LRRIQ1: variants seen among roughly 807,000 people sequenced by gnomAD.
LRRIQ1 encodes leucine rich repeats and IQ motif containing 1, also known as leucine-rich repeat- and IQ domain-containing protein 1.
Under a neutral mutation model 211.9 loss-of-function variants are expected in LRRIQ1, and 210 were observed. That is an observed-to-expected ratio of 0.99 (90% confidence interval 0.89 to 1.11). The LOEUF is 1.11. LRRIQ1 is among the 50% of genes most tolerant of loss of function. The pLI is 0.00. For synonymous variants in LRRIQ1, 699 were observed against 650.1 expected (o/e 1.08, Z -1.14); for missense variants, 2,136 against 1,939.5 (o/e 1.10, Z -1.90).
At chr12:85,258,418 CA>C (rs1472551101) in intron 1 of LRRIQ1, among the ~76,000 whole-genome samples, 1 of 151,716 alleles carries the variant, frequency 6.6e-6, no homozygotes, top group South Asian at 2.1e-4. Flanking sequence ...AGGTAAAAAG[CA>C]ATCTCAAAAA....
In LRRIQ1 at chr12:85,108,977, TA is replaced by T. The variant is rs547968103; in HGVS notation, c.3377+2372del. Among the ~76,000 whole-genome samples, 722 of 148,912 alleles carry T rather than the reference TA, an allele frequency of 4.8e-3. 7 individuals carry two copies. The highest frequency in any genetic ancestry group is 4.8e-3 in the Non-Finnish European group (320 of 66,962). ...ATACATTTATGAACAAAACACAAAC[TA>T]AAAAAAAAATAGCTATAACACCTGA... On this transcript the variant is annotated intron_variant, in intron 15 of 26. Transcript: ENST00000393217.
chr12:85,227,287 T>A (rs145747634), intron 24 of LRRIQ1, among the ~76,000 whole-genome samples: 2,568 of 152,210 alleles, frequency 0.017, 48 homozygotes, highest in African/African-American at 0.047. Context: ...TTCTTTTTTT[T>A]TATATACTGT....
chr12:85,051,554 T>A (rs1385363949), intron 6 of LRRIQ1, among the ~76,000 whole-genome samples: 1 of 152,194 alleles, frequency 6.6e-6, no homozygotes, highest in Non-Finnish European at 1.5e-5. Flanking sequence ...TCAAATACAG[T>A]CTTTTGCATA....
intron 24 of LRRIQ1, among the ~76,000 whole-genome samples, chr12:85,204,543 C>T (rs1893449737): frequency 6.6e-6 from 1 of 152,168 alleles, no homozygotes; most frequent in African/African-American, 2.4e-5. Context: ...GTGGAGCTGC[C>T]CACGACCATG....
intron 24 of LRRIQ1, among the ~76,000 whole-genome samples, chr12:85,176,607 G>A (rs1217442795): frequency 9.0e-6 from 1 of 111,210 alleles, no homozygotes; most frequent in African/African-American, 3.4e-5. Flanking sequence ...TGGGGGGAGG[G>A]GGGAGGGATA....
chr12:85,241,278 GT>G (rs1895446394), intron 26 of LRRIQ1, among the ~76,000 whole-genome samples: 1 of 151,898 alleles, frequency 6.6e-6, no homozygotes, highest in South Asian at 2.1e-4. Context: ...TTTACGGCAT[GT>G]ACATTATGTC....
chr12:85,141,293 C>A (rs949900456), intron 19 of LRRIQ1, among the ~76,000 whole-genome samples: 13 of 150,560 alleles, frequency 8.6e-5, no homozygotes, highest in African/African-American at 2.4e-4. Flanking sequence ...TTTCTTTAAT[C>A]TTCTGTATCC....
At chr12:85,111,781 TAGG>T (rs2136352676) in intron 15 of LRRIQ1, among the ~76,000 whole-genome samples, 1 of 152,130 alleles carries the variant, frequency 6.6e-6, no homozygotes, top group African/African-American at 2.4e-5. Flanking sequence ...GATAAGAGAT[TAGG>T]AAACAAGTGA....
intron 24 of LRRIQ1, among the ~76,000 whole-genome samples, chr12:85,198,024 T>C (rs1323351637): frequency 2.6e-5 from 2 of 75,716 alleles, no homozygotes; most frequent in South Asian, 5.5e-4. Context: ...ATTATATTAT[T>C]ATATATAACA....
chr12:85,223,053 T>C, intron 24 of LRRIQ1, among the ~76,000 whole-genome samples: 1 of 152,098 alleles, frequency 6.6e-6, no homozygotes, highest in South Asian at 2.1e-4. Flanking sequence ...CTGAGTTACT[T>C]CGGAATCCAG....
downstream of LRRIQ1, among the ~76,000 whole-genome samples, chr12:85,247,077 A>G (rs887081851): frequency 1.3e-5 from 2 of 151,582 alleles, no homozygotes; most frequent in African/African-American, 4.8e-5. Flanking sequence ...TAGTTATATA[A>G]GAAGCATCTT....
chr12:85,040,832 G>A (rs779050675), intron 3 of LRRIQ1, among the ~76,000 whole-genome samples: 4 of 150,242 alleles, frequency 2.7e-5, no homozygotes, highest in East Asian at 1.9e-4. Context: ...TTTTGTTTCC[G>A]CAGTCCTAAT....
chr12:85,114,279 C>T (rs1003822017), intron 15 of LRRIQ1, among the ~76,000 whole-genome samples: 3 of 151,810 alleles, frequency 2.0e-5, no homozygotes, highest in African/African-American at 7.3e-5. Context: ...ACGGGCCAAG[C>T]CTAGATGACA....
chr12:85,269,290 A>T (rs552334672), downstream of LRRIQ1, among the ~76,000 whole-genome samples: 1 of 152,112 alleles, frequency 6.6e-6, no homozygotes, highest in South Asian at 2.1e-4. Flanking sequence ...ATGGTTTTCA[A>T]AATAGGAAGG....
chr12:85,063,499 G>A (rs1450014608), intron 8 of LRRIQ1, among the ~76,000 whole-genome samples: 3 of 151,282 alleles, frequency 2.0e-5, no homozygotes, highest in South Asian at 2.1e-4. Flanking sequence ...AGTAGATGGG[G>A]TATCCATTAT....
intron 2 of LRRIQ1, among the ~76,000 whole-genome samples, chr12:85,038,686 C>G (rs1174089474): frequency 6.6e-6 from 1 of 151,400 alleles, no homozygotes; most frequent in African/African-American, 2.4e-5. Flanking sequence ...TAGATTTATT[C>G]ATTTATACCA....
chr12:85,221,284 T>C (rs1894390983), intron 24 of LRRIQ1, among the ~76,000 whole-genome samples: 1 of 152,214 alleles, frequency 6.6e-6, no homozygotes, highest in African/African-American at 2.4e-5. Flanking sequence ...ATTCTAGTTC[T>C]ACTTTTCTCA....
chr12:85,204,292 G>A (rs1374317502), intron 24 of LRRIQ1, among the ~76,000 whole-genome samples: 1 of 152,202 alleles, frequency 6.6e-6, no homozygotes, highest in African/African-American at 2.4e-5. Context: ...CAGAGACAGG[G>A]CTCTCATGGA....
intron 10 of LRRIQ1, among the ~76,000 whole-genome samples, chr12:85,071,238 G>T (rs1431964686): frequency 6.6e-6 from 1 of 151,848 alleles, no homozygotes; most frequent in African/African-American, 2.4e-5. Flanking sequence ...ATATATGTGT[G>T]CATCTATATA....
Sources: allele counts gnomAD v4.1 joint callset (sites outside exome capture counted in the v4.1 genomes callset), GRCh38; gene constraint gnomAD v4.1.1; transcripts MANE v1.5; gene names NCBI Gene and HGNC (gene_info 2026-07-23, HGNC 2026-07-21).